ADK: variants seen among roughly 807,000 people sequenced by gnomAD.
The protein encoded by ADK is N6,N6-dimethyladenosine kinase.
In ADK, 24 loss-of-function variants were observed where a neutral mutation model predicts 44.7. The ratio of observed to expected loss-of-function variants is 0.54; its 90% CI spans 0.39 to 0.76. ADK has a LOEUF of 0.76. Among genes scored for constraint, ADK ranks in the 30% least tolerant of loss-of-function variants. The probability of loss-of-function intolerance (pLI) is 0.00; values close to 1 mark genes in which losing one functional copy is unlikely to be tolerated. For synonymous variants in ADK, 128 were observed against 142.6 expected, an observed-to-expected ratio of 0.90 and a Z score of 0.73; for missense variants, 321 against 425.1, an observed-to-expected ratio of 0.76 and a Z score of 2.15.
At chr10:74,432,031 AAAT>A (rs1036063293) in intron 6 of ADK, among the ~76,000 whole-genome samples, 1 of 151,854 alleles carries the variant, frequency 6.6e-6, no homozygotes, top group East Asian at 1.9e-4. Flanking sequence ...GTCTCTACCA[AAAT>A]AATAATAATA....
At chr10:74,325,625 A>G (rs148744214) in intron 4 of ADK, among the ~76,000 whole-genome samples, 2 of 152,268 alleles carry the variant, frequency 1.3e-5, no homozygotes, top group East Asian at 1.9e-4. Flanking sequence ...TTTTTCATAT[A>G]TGGCCTTTAT....
At chr10:74,665,594 G>T (rs2134181874) in intron 9 of ADK, among the ~76,000 whole-genome samples, 1 of 152,138 alleles carries the variant, frequency 6.6e-6, no homozygotes, top group South Asian at 2.1e-4. Flanking sequence ...AATTAGCCAG[G>T]CATGTTGGCT....
intron 4 of ADK, among the ~76,000 whole-genome samples, chr10:74,352,100 A>G (rs1841981391): frequency 6.6e-6 from 1 of 152,172 alleles, no homozygotes; most frequent in South Asian, 2.1e-4. Flanking sequence ...GGAACCAAAA[A>G]GGAGCCTGTG....
chr10:74,520,256 A>T lies in ADK; in HGVS notation c.556-5000A>T, dbSNP rs537366819. On this transcript the variant is annotated intron_variant, in intron 6 of 10. Coordinates refer to ENST00000539909, the MANE Select transcript of ADK (RefSeq NM_006721.4). Reference sequence around the variant, plus strand: ...TCTACTGTTTCAAATATTTCAAAATAATATCATATATTCTTCCCTATTATA... The same window carrying T: ...TCTACTGTTTCAAATATTTCAAAATTATATCATATATTCTTCCCTATTATA... Among the ~76,000 whole-genome samples the T allele has an allele frequency of 5.5e-4, 84 of 152,128 alleles. 1 individual carries two copies. Among genetic ancestry groups the T allele is most frequent in the South Asian group, 4.6e-3 (22 of 4,832 alleles).
At chr10:74,328,395 GA>G (rs35655878) in intron 4 of ADK, among the ~76,000 whole-genome samples, 97,852 of 151,890 alleles carry the variant, frequency 0.64, 32,859 homozygotes, top group Middle Eastern at 0.79. Context: ...TTCCACCATA[GA>G]AAACTTGCAT....
chr10:74,625,362 G>A (rs537185098), intron 9 of ADK, among the ~76,000 whole-genome samples: 1 of 152,224 alleles, frequency 6.6e-6, no homozygotes, highest in African/African-American at 2.4e-5. Flanking sequence ...AGAAATGGCA[G>A]AAGGGAGATA....
chr10:74,486,171 C>T (rs890921260), intron 6 of ADK, among the ~76,000 whole-genome samples: 1 of 152,136 alleles, frequency 6.6e-6, no homozygotes. Context: ...AGTGAGTTCT[C>T]ATGAGATCTG....
intron 9 of ADK, among the ~76,000 whole-genome samples, chr10:74,607,488 G>A (rs921186956): frequency 3.3e-5 from 5 of 152,148 alleles, no homozygotes; most frequent in Non-Finnish European, 7.4e-5. Context: ...CTTTGCTTAT[G>A]AAGCTTAGTG....
chr10:74,594,101 C>T (rs995415647), intron 8 of ADK, among the ~76,000 whole-genome samples: 1 of 150,804 alleles, frequency 6.6e-6, no homozygotes, highest in Non-Finnish European at 1.5e-5. Context: ...AAGCCAAACA[C>T]TGCATGTTCT....
At chr10:74,286,795 A>G (rs1017639205) in intron 3 of ADK, among the ~76,000 whole-genome samples, 3 of 152,372 alleles carry the variant, frequency 2.0e-5, no homozygotes, top group Middle Eastern at 3.4e-3. Context: ...ATTCGCATGT[A>G]TTATCACACT....
At chr10:74,217,586 C>G (rs1359591358) in intron 2 of ADK, among the ~76,000 whole-genome samples, 4 of 152,208 alleles carry the variant, frequency 2.6e-5, no homozygotes, top group Non-Finnish European at 4.4e-5. Context: ...GTCCCTGACC[C>G]CTGACCCCTG....
rs535834122 is a variant in ADK, at chr10:74,573,111, G to GT, written c.727-16165dup. On this transcript the variant is annotated intron_variant, in intron 7 of 10. Coordinates refer to ENST00000539909, the MANE Select transcript of ADK (RefSeq NM_006721.4). The stretch of plus-strand genomic sequence containing the variant: ...TTAGAGTTTCCAGTTTTTCTGCTCT[G>GT]TTTTTTCCCCATCTTTGTGGTTTTA... 8.4e-3 allele frequency among the ~76,000 whole-genome samples: 1,276 copies of GT among 151,880 alleles called. 21 individuals are homozygous for GT. Among genetic ancestry groups the GT allele is most frequent in the African/African-American group, 0.029 (1,207 of 41,208 alleles).
intron 3 of ADK, among the ~76,000 whole-genome samples, chr10:74,291,262 A>G (rs1049891683): frequency 6.6e-6 from 1 of 152,106 alleles, no homozygotes; most frequent in African/African-American, 2.4e-5. Context: ...TAAAAAATAC[A>G]AAAAATTAGC....
At chr10:74,347,448 C>G (rs1420028793) in intron 4 of ADK, among the ~76,000 whole-genome samples, 1 of 152,138 alleles carries the variant, frequency 6.6e-6, no homozygotes, top group Non-Finnish European at 1.5e-5. Flanking sequence ...CGTCGTGTGC[C>G]TACACCACCA....
intron 6 of ADK, among the ~76,000 whole-genome samples, chr10:74,408,708 C>G (rs1844051755): frequency 6.6e-6 from 1 of 151,930 alleles, no homozygotes; most frequent in South Asian, 2.1e-4. Flanking sequence ...ATTCTGTATT[C>G]TTACAATAAA....
At chr10:74,505,510 C>A (rs958768517) in intron 6 of ADK, among the ~76,000 whole-genome samples, 3 of 149,738 alleles carry the variant, frequency 2.0e-5, no homozygotes, top group South Asian at 2.1e-4. Context: ...TCTTCAACTT[C>A]CCCCCACTTT....
intron 7 of ADK, among the ~76,000 whole-genome samples, chr10:74,579,372 C>A (rs1389169071): frequency 6.6e-6 from 1 of 151,836 alleles, no homozygotes; most frequent in East Asian, 1.9e-4. Context: ...TGGCAGGATC[C>A]TTTAGCATGT....
intron 4 of ADK, among the ~76,000 whole-genome samples, chr10:74,370,468 G>C (rs1041098849): frequency 1.2e-4 from 18 of 152,056 alleles, no homozygotes; most frequent in African/African-American, 4.1e-4. Flanking sequence ...TTGTTATTAG[G>C]AAATCAGAAC....
chr10:74,177,945 A>ATATATATATATAT (rs10693309), intron 1 of ADK, among the ~76,000 whole-genome samples: 9 of 109,010 alleles, frequency 8.3e-5, no homozygotes, highest in South Asian at 2.8e-4. Context: ...ATATATATAT[A>ATATATATATATAT]TTTTTTTTTT....
Sources: allele counts gnomAD v4.1 joint callset (sites outside exome capture counted in the v4.1 genomes callset), GRCh38; gene constraint gnomAD v4.1.1; transcripts MANE v1.5; gene names NCBI Gene and HGNC (gene_info 2026-07-23, HGNC 2026-07-21).